PDE1C: variants seen among roughly 807,000 people sequenced by gnomAD.
PDE1C encodes the protein dual specificity calcium/calmodulin-dependent 3',5'-cyclic nucleotide phosphodiesterase 1C.
Under a neutral mutation model 93.1 loss-of-function variants are expected in PDE1C, and 62 were observed. That is an observed-to-expected ratio of 0.67 (90% CI 0.54 to 0.82). The LOEUF is 0.82. Among genes scored for constraint, PDE1C ranks in the 40% least tolerant of loss-of-function variants. The pLI is 0.00. For missense variants in PDE1C, 742 were observed against 884.6 expected (o/e 0.84, Z 2.04); for synonymous variants, 325 against 310.1 (o/e 1.05, Z -0.50).
chr7:31,809,081 G>T lies in PDE1C; in HGVS notation c.1841C>A (p.Thr614Lys). 1 of 1,594,542 alleles carries T rather than the reference G, an allele frequency of 6.3e-7. No homozygotes were observed. Among genetic ancestry groups the T allele is most frequent in the Non-Finnish European group, 8.6e-7 (1 of 1,163,376 alleles). The change falls in exon 16 of 18, where the codon ACA becomes AAA. Residue 614 changes from threonine to lysine, a missense_variant. Physicochemically the swap from Thr to Lys is moderately conservative, Grantham distance 78. Coordinates refer to ENST00000396191, the MANE Select transcript of PDE1C (RefSeq NM_001191057.4). ...GATGTTAGAGTGATCCTTCTTGTCT[G>T]TCTTATTTTTACCATCTTTGAAGTC... ...NGDFKDGKNKTDKKDHSNIGN... is the reference protein window; with the variant it reads ...NGDFKDGKNKKDKKDHSNIGN...
At chr7:31,997,185 T>A (rs914720568) in intron 2 of PDE1C, among the ~76,000 whole-genome samples, 1 of 152,090 alleles carries the variant, frequency 6.6e-6, no homozygotes, top group Non-Finnish European at 1.5e-5. Flanking sequence ...CAGGACTGGG[T>A]TCAGATTAGG....
At chr7:32,280,700 C>T (rs1192781767) in intron 1 of PDE1C, among the ~76,000 whole-genome samples, 1 of 152,094 alleles carries the variant, frequency 6.6e-6, no homozygotes, top group Non-Finnish European at 1.5e-5. Flanking sequence ...AAAAGTCCAT[C>T]AAGAATAAAA....
intron 9 of PDE1C, among the ~76,000 whole-genome samples, chr7:31,838,449 GCA>G (rs1446817719): frequency 2.6e-5 from 4 of 152,180 alleles, no homozygotes; most frequent in East Asian, 1.9e-4. Context: ...CTCACTTCCA[GCA>G]CAGTTTTCTT....
chr7:31,811,342 T>C (rs1430109111), intron 15 of PDE1C, among the ~76,000 whole-genome samples: 1 of 151,998 alleles, frequency 6.6e-6, no homozygotes, highest in African/African-American at 2.4e-5. Context: ...CAGTCTTGGG[T>C]ATGTCTTTAT....
At chr7:31,714,687 CT>C in the PDE1C span, among the ~76,000 whole-genome samples, 6 of 152,218 alleles carry the variant, frequency 3.9e-5, no homozygotes, top group African/African-American at 1.4e-4. Flanking sequence ...CAAGCCATGT[CT>C]TACATGGATG....
At chr7:32,264,909 T>A (rs1585048697) in intron 1 of PDE1C, among the ~76,000 whole-genome samples, 1 of 152,238 alleles carries the variant, frequency 6.6e-6, no homozygotes, top group Non-Finnish European at 1.5e-5. Flanking sequence ...GATCCTTTTT[T>A]GTTCCCCCAG....
the PDE1C span, among the ~76,000 whole-genome samples, chr7:31,687,956 T>C: frequency 6.6e-6 from 1 of 152,240 alleles, no homozygotes; most frequent in Non-Finnish European, 1.5e-5. Context: ...AGTTCTATTA[T>C]GTTCCCAAGA....
At chr7:32,102,645 G>A (rs17160893) in intron 3 of PDE1C, among the ~76,000 whole-genome samples, 5 of 152,112 alleles carry the variant, frequency 3.3e-5, no homozygotes, top group African/African-American at 1.2e-4. Flanking sequence ...GAGGTCTGGA[G>A]TGACAACTGC....
the PDE1C span, among the ~76,000 whole-genome samples, chr7:31,632,178 G>A: frequency 1.3e-5 from 2 of 152,194 alleles, no homozygotes; most frequent in African/African-American, 2.4e-5. Context: ...GCAGGGCGTG[G>A]TGGCTCACAC....
chr7:31,852,389 G>A (rs569458185), intron 7 of PDE1C, among the ~76,000 whole-genome samples: 3 of 152,104 alleles, frequency 2.0e-5, no homozygotes, highest in South Asian at 4.1e-4. Flanking sequence ...AGAGAAAACA[G>A]ACTAAGATGA....
chr7:31,816,188 A>G (rs1241366221), intron 14 of PDE1C, 34 bp from the exon 15 acceptor site: 1 of 1,588,042 alleles, frequency 6.3e-7, no homozygotes, highest in South Asian at 1.1e-5. Context: ...AGCCACAGAA[A>G]AGAGAAAAAG....
the PDE1C span, among the ~76,000 whole-genome samples, chr7:31,709,468 A>G: frequency 2.6e-5 from 4 of 152,226 alleles, no homozygotes; most frequent in African/African-American, 9.6e-5. Context: ...CAGAGTTTGC[A>G]CGGTGTTTTT....
chr7:32,353,802 G>C lies in PDE1C; in HGVS notation c.310+74020C>G, dbSNP rs74642699. On this transcript the variant is annotated intron_variant, in intron 1 of 1. Transcript: ENST00000672256. ...AGGTATTTTTCTCTTTTTCATATTT[G>C]TCTTATTTTAGAAATATCCATTTGG... Among the ~76,000 whole-genome samples, 1,446 of 152,052 alleles carry C rather than the reference G, an allele frequency of 9.5e-3. 26 individuals are homozygous for C. The highest frequency in any genetic ancestry group is 0.033 in the African/African-American group (1,367 of 41,452).
chr7:31,634,801 G>T, the PDE1C span, among the ~76,000 whole-genome samples: 330 of 152,338 alleles, frequency 2.2e-3, no homozygotes, highest in Non-Finnish European at 3.4e-3. Context: ...TCTAGCTGGA[G>T]GAAAAGGACT....
At chr7:32,209,968 G>A (rs1360702148) in intron 1 of PDE1C, among the ~76,000 whole-genome samples, 1 of 152,118 alleles carries the variant, frequency 6.6e-6, no homozygotes, top group Non-Finnish European at 1.5e-5. Context: ...GGATCCATAG[G>A]GGCAAAGCTG....
Position 32,342,765 on chromosome 7 carries a change from C to T in PDE1C, c.310+85057G>A, listed in dbSNP as rs73687147. Among the ~76,000 whole-genome samples the T allele has an allele frequency of 1.9e-3, 291 of 152,266 alleles. 1 individual carries two copies. The highest frequency in any genetic ancestry group is 6.4e-3 in the African/African-American group (266 of 41,550). On this transcript the variant is annotated intron_variant, in intron 1 of 1. Coordinates refer to the PDE1C transcript ENST00000672256. ...TCTGTAAAATGGGACTATAATAACA[C>T]TTCATAGAGTTGTTATGAGGCTTAA...
intron 1 of PDE1C, among the ~76,000 whole-genome samples, chr7:32,064,407 C>T (rs906689523): frequency 6.6e-5 from 10 of 152,190 alleles, no homozygotes; most frequent in African/African-American, 2.4e-4. Context: ...CAGAAGACAA[C>T]AGCTCCTCTT....
intron 7 of PDE1C, among the ~76,000 whole-genome samples, chr7:31,860,028 T>C (rs1269948074): frequency 6.6e-6 from 1 of 152,188 alleles, no homozygotes; most frequent in East Asian, 1.9e-4. Flanking sequence ...CCTGATTGTA[T>C]AGGCCTCCCT....
chr7:31,948,551 G>A (rs539317015), intron 2 of PDE1C, among the ~76,000 whole-genome samples: 1 of 152,192 alleles, frequency 6.6e-6, no homozygotes, highest in African/African-American at 2.4e-5. Context: ...AGTACCAAGA[G>A]AAGGTATTCA....
Sources: allele counts gnomAD v4.1 joint callset (sites outside exome capture counted in the v4.1 genomes callset), GRCh38; gene constraint gnomAD v4.1.1; transcripts MANE v1.5; gene names NCBI Gene and HGNC (gene_info 2026-07-23, HGNC 2026-07-21).